The following CDH13 variants were observed in gnomAD, a reference collection of about 807,000 sequenced individuals.
CDH13 encodes cadherin-13.
CDH13 carries 24 observed loss-of-function variants against 63.8 expected under a neutral mutation model. The observed-to-expected ratio is 0.38, with a 90% CI of 0.27 to 0.53. The LOEUF (loss-of-function observed/expected upper bound fraction) is 0.53. Among genes scored for constraint, CDH13 ranks in the 20% least tolerant of loss-of-function variants. The pLI is 0.85. For synonymous variants in CDH13, 503 were observed against 355.3 expected, an observed-to-expected ratio of 1.42 and a Z score of -4.67; for missense variants, 1,049 against 903.1, an observed-to-expected ratio of 1.16 and a Z score of -2.07.
intron 1 of CDH13, among the ~76,000 whole-genome samples, chr16:82,855,461 A>C (rs1353820688): frequency 6.6e-6 from 1 of 152,198 alleles, no homozygotes; most frequent in Non-Finnish European, 1.5e-5. Flanking sequence ...GTTAACGCAT[A>C]ATTGTAGGCA....
intron 7 of CDH13, among the ~76,000 whole-genome samples, chr16:83,561,864 A>T (rs2075715087): frequency 6.6e-6 from 1 of 152,212 alleles, no homozygotes; most frequent in African/African-American, 2.4e-5. Context: ...CACTGCTCTG[A>T]ATCTGACTAA....
intron 2 of CDH13, among the ~76,000 whole-genome samples, chr16:82,999,681 A>G (rs1053908113): frequency 2.0e-5 from 3 of 152,234 alleles, no homozygotes; most frequent in Non-Finnish European, 4.4e-5. Flanking sequence ...TATAAGTATT[A>G]AACAAATGAC....
chr16:83,351,364 C>T (rs2090948289), intron 6 of CDH13, among the ~76,000 whole-genome samples: 1 of 149,834 alleles, frequency 6.7e-6, no homozygotes, highest in African/African-American at 2.5e-5. Flanking sequence ...AAAGAAAATG[C>T]AGTCACTCTC....
intron 2 of CDH13, among the ~76,000 whole-genome samples, chr16:82,892,549 T>G (rs1447498534): frequency 6.6e-6 from 1 of 152,096 alleles, no homozygotes; most frequent in Non-Finnish European, 1.5e-5. Context: ...ACTAGATGTG[T>G]ACTTGGAAGG....
At position 83,389,353 on chromosome 16, in the gene CDH13, A is replaced by G. The variant is rs553724749; in HGVS notation, c.781+44347A>G. The stretch of plus-strand genomic sequence containing the variant: ...TTTTTTACCAAAATGAGATCGTACC[A>G]TAACGTTATTTTCAAATCTGATTTT... On this transcript the variant is annotated intron_variant, in intron 6 of 13. Coordinates refer to ENST00000567109, the MANE Select transcript of CDH13 (RefSeq NM_001257.5). Among the ~76,000 whole-genome samples, 487 of 152,314 alleles carry G rather than the reference A, an allele frequency of 3.2e-3. 2 individuals carry two copies. Among genetic ancestry groups the G allele is most frequent in the African/African-American group, 0.011 (458 of 41,576 alleles).
rs1026026562 is a variant in CDH13, at chr16:83,055,789, A to G, written c.366+23571A>G. Among the ~76,000 whole-genome samples the G allele has an allele frequency of 2.2e-4, 33 of 152,248 alleles. 1 individual carries two copies. Among genetic ancestry groups the G allele is most frequent in the African/African-American group, 7.5e-4 (31 of 41,582 alleles). ...CTTCTTTGCAATAACTGACATAAAC[A>G]TTGAAAGAAGGAAAAATTATAAGCC... On this transcript the variant is annotated intron_variant, in intron 3 of 13. Coordinates refer to ENST00000567109, the MANE Select transcript of CDH13 (RefSeq NM_001257.5).
intron 6 of CDH13, among the ~76,000 whole-genome samples, chr16:83,418,163 G>A (rs1483136703): frequency 6.6e-6 from 1 of 152,100 alleles, no homozygotes; most frequent in African/African-American, 2.4e-5. Context: ...AAGTTGCCTC[G>A]TCTTACTGTG....
chr16:82,678,395 A>G (rs904832246), intron 1 of CDH13, among the ~76,000 whole-genome samples: 4 of 149,784 alleles, frequency 2.7e-5, no homozygotes, highest in African/African-American at 7.4e-5. Context: ...TTTGCAGGGT[A>G]TAAGAATTTT....
At position 83,141,338 on chromosome 16, in the gene CDH13, C is replaced by T. The variant is rs113836427; in HGVS notation, c.483+15837C>T. ...GCCTTCATTGTCCTAGGAATGGCTGCCCTGAGCCTGGGGATGTCCCAGGGT... is the reference window on the plus strand; with the variant it reads ...GCCTTCATTGTCCTAGGAATGGCTGTCCTGAGCCTGGGGATGTCCCAGGGT... On this transcript the variant is annotated intron_variant, in intron 4 of 13. Coordinates refer to ENST00000567109, the MANE Select transcript of CDH13 (RefSeq NM_001257.5). Among the ~76,000 whole-genome samples the T allele has an allele frequency of 7.7e-3, 1,168 of 152,286 alleles. 14 individuals carry two copies. Among genetic ancestry groups the T allele is most frequent in the African/African-American group, 0.026 (1,074 of 41,544 alleles).
chr16:83,293,886 A>G (rs2089523112), intron 5 of CDH13, among the ~76,000 whole-genome samples: 1 of 152,332 alleles, frequency 6.6e-6, no homozygotes, highest in Admixed American at 6.5e-5. Context: ...ACTGTTTACC[A>G]GGAATTATAC....
intron 5 of CDH13, among the ~76,000 whole-genome samples, chr16:83,299,628 T>C (rs994831902): frequency 6.6e-6 from 1 of 152,264 alleles, no homozygotes; most frequent in African/African-American, 2.4e-5. Flanking sequence ...ATTTAGTGTT[T>C]GTTAAAGCAT....
chr16:83,202,816 C>G (rs751512850), intron 4 of CDH13, among the ~76,000 whole-genome samples: 1 of 151,976 alleles, frequency 6.6e-6, no homozygotes, highest in Non-Finnish European at 1.5e-5. Flanking sequence ...TAAATAAGTG[C>G]GTAAATATTT....
chr16:83,343,477 T>C (rs2151361237), intron 5 of CDH13, among the ~76,000 whole-genome samples: 1 of 152,300 alleles, frequency 6.6e-6, no homozygotes, highest in East Asian at 1.9e-4. Flanking sequence ...TTATATAGGA[T>C]CAGGAGTGGT....
chr16:83,431,570 G>A (rs1414095698), intron 6 of CDH13, among the ~76,000 whole-genome samples: 1 of 152,036 alleles, frequency 6.6e-6, no homozygotes, highest in Non-Finnish European at 1.5e-5. Context: ...AGTTCTGCAG[G>A]CTGTACAGGA....
At chr16:82,694,514 C>G (rs371895546) in intron 1 of CDH13, among the ~76,000 whole-genome samples, 6 of 152,270 alleles carry the variant, frequency 3.9e-5, no homozygotes, top group South Asian at 2.1e-4. Flanking sequence ...CTTTATTTAT[C>G]TTATGATTAT....
chr16:82,902,112 T>A (rs1382564944), intron 2 of CDH13, among the ~76,000 whole-genome samples: 1 of 152,186 alleles, frequency 6.6e-6, no homozygotes, highest in African/African-American at 2.4e-5. Context: ...ATTTGCCCAT[T>A]TTAAAGCAGG....
intron 6 of CDH13, among the ~76,000 whole-genome samples, chr16:83,359,469 C>G (rs1299700203): frequency 2.0e-5 from 3 of 152,044 alleles, no homozygotes; most frequent in African/African-American, 4.8e-5. Flanking sequence ...GTGTCGTCAC[C>G]CAGCAGCTTG....
intron 1 of CDH13, among the ~76,000 whole-genome samples, chr16:82,836,653 C>T (rs761941478): frequency 1.3e-5 from 2 of 152,092 alleles, no homozygotes; most frequent in Non-Finnish European, 2.9e-5. Flanking sequence ...TTTACTGCTG[C>T]CTTCAAACAG....
chr16:82,827,000 C>T (rs1184902706), intron 1 of CDH13, among the ~76,000 whole-genome samples: 1 of 152,190 alleles, frequency 6.6e-6, no homozygotes, highest in Non-Finnish European at 1.5e-5. Context: ...TGGAAGAATT[C>T]ATCCAGCCCC....
Sources: gnomAD v4.1 joint callset for allele counts (sites outside exome capture counted in the v4.1 genomes callset) on GRCh38, gnomAD v4.1.1 for gene constraint, MANE v1.5 for transcripts, NCBI Gene and HGNC (gene_info 2026-07-23, HGNC 2026-07-21) for gene names.